MLLT3: variants seen among roughly 807,000 people sequenced by gnomAD.
MLLT3 encodes protein AF-9.
A neutral mutation model predicts 53.2 loss-of-function variants in MLLT3; 4 were observed. The ratio of observed to expected loss-of-function variants is 0.08; its 90% CI spans 0.04 to 0.17. MLLT3 has a LOEUF of 0.17. MLLT3 is among the 10% of genes least tolerant of loss of function. The pLI, the probability that MLLT3 is intolerant of heterozygous loss-of-function variation, is 1.00. For missense variants in MLLT3, 569 were observed against 684.0 expected, an observed-to-expected ratio of 0.83 and a Z score of 1.87; for synonymous variants, 283 against 230.6, an observed-to-expected ratio of 1.23 and a Z score of -2.06.
chr9:20,527,696 T>C (rs1039212186), intron 2 of MLLT3, among the ~76,000 whole-genome samples: 1 of 152,142 alleles, frequency 6.6e-6, no homozygotes, highest in Non-Finnish European at 1.5e-5. Flanking sequence ...AACTGGAACA[T>C]CAAAAGCTTT....
intron 2 of MLLT3, among the ~76,000 whole-genome samples, chr9:20,524,791 T>C (rs189181547): frequency 5.3e-5 from 8 of 152,270 alleles, no homozygotes; most frequent in Non-Finnish European, 1.0e-4. Flanking sequence ...ACTGCTTGCC[T>C]GAAGGTTCCC....
intron 2 of MLLT3, among the ~76,000 whole-genome samples, chr9:20,489,991 A>G (rs2118920512): frequency 6.6e-6 from 1 of 152,326 alleles, no homozygotes; most frequent in East Asian, 1.9e-4. Flanking sequence ...ATACATGGCA[A>G]ACTGTAAGGT....
At chr9:20,457,593 C>A (rs1159663707) in intron 2 of MLLT3, among the ~76,000 whole-genome samples, 3 of 152,046 alleles carry the variant, frequency 2.0e-5, no homozygotes, top group East Asian at 1.9e-4. Flanking sequence ...CTTAGAAAAT[C>A]CCAAACCCAG....
intron 2 of MLLT3, among the ~76,000 whole-genome samples, chr9:20,589,905 T>G (rs532003664): frequency 3.3e-5 from 5 of 152,136 alleles, no homozygotes; most frequent in Non-Finnish European, 5.9e-5. Flanking sequence ...GAGATGGGGT[T>G]TCACCATCTT....
At position 20,622,401 on chromosome 9, in the gene MLLT3, T is replaced by TC. The variant is rs1821046587; in HGVS notation, c.-146dup. ...AGATGGCGGACATTCTCTGCCTTTTTCCCCCCGCGCTCGCTTGCTCGCTCG... is the reference window on the plus strand; with the variant it reads ...AGATGGCGGACATTCTCTGCCTTTTTCCCCCCCGCGCTCGCTTGCTCGCTCG... On this transcript the variant is annotated 5_prime_UTR_variant, in exon 1 of 11. Coordinates refer to ENST00000380338, the MANE Select transcript of MLLT3 (RefSeq NM_004529.4). The TC allele has an allele frequency of 5.4e-6, 4 of 734,196 alleles. No homozygotes were observed. The highest frequency in any genetic ancestry group is 3.4e-5 in the Admixed American group (1 of 29,692). The allele number at this position is 734,196 out of a possible 1,614,324, so 45.5% of individuals were successfully genotyped here.
chr9:20,371,028 T>C (rs183709388), intron 5 of MLLT3, among the ~76,000 whole-genome samples: 38 of 152,330 alleles, frequency 2.5e-4, no homozygotes, highest in African/African-American at 8.9e-4. Flanking sequence ...GAGAAAGTTG[T>C]AGTGGTCTGG....
chr9:20,547,538 G>A (rs752527352), intron 2 of MLLT3, among the ~76,000 whole-genome samples: 3 of 151,732 alleles, frequency 2.0e-5, no homozygotes, highest in Non-Finnish European at 2.9e-5. Context: ...CAGCTACTCG[G>A]GAGGCTGAGG....
intron 4 of MLLT3, among the ~76,000 whole-genome samples, chr9:20,416,841 G>C (rs1822883209): frequency 6.6e-6 from 1 of 152,124 alleles, no homozygotes; most frequent in Non-Finnish European, 1.5e-5. Context: ...TAAAAGGAGA[G>C]AGAGCAGTTT....
intron 5 of MLLT3, among the ~76,000 whole-genome samples, chr9:20,402,118 T>C (rs968682342): frequency 4.6e-5 from 7 of 152,090 alleles, no homozygotes; most frequent in African/African-American, 1.7e-4. Flanking sequence ...CAGAGTGAGA[T>C]CAAGGTAGGT....
rs375433333 is a variant in MLLT3, at chr9:20,497,164, C to G, written c.194-40378G>C. On this transcript the variant is annotated intron_variant, in intron 2 of 10. Transcript: ENST00000380338. Reference sequence around the variant, plus strand: ...ATCCAGTAGTAAATGGCAACGCAAACTTCACCTTCTGATATTCAGTTGACA... The same window carrying G: ...ATCCAGTAGTAAATGGCAACGCAAAGTTCACCTTCTGATATTCAGTTGACA... Among the ~76,000 whole-genome samples the G allele has an allele frequency of 2.0e-5, 3 of 152,346 alleles. 1 individual carries two copies. Among genetic ancestry groups the G allele is most frequent in the African/African-American group, 7.2e-5 (3 of 41,580 alleles).
intron 2 of MLLT3, among the ~76,000 whole-genome samples, chr9:20,511,377 A>AAT (rs1446050081): frequency 6.6e-6 from 1 of 152,266 alleles, no homozygotes; most frequent in African/African-American, 2.4e-5. Context: ...TTGCAATTGC[A>AAT]ATACCTTTTC....
At chr9:20,533,281 C>A (rs567738689) in intron 2 of MLLT3, 16 of 324,168 alleles carry the variant, frequency 4.9e-5, no homozygotes, top group African/African-American at 3.4e-4. Flanking sequence ...TAGACTGTGG[C>A]TCACATTGCC....
At chr9:20,478,936 A>G (rs1038661420) in intron 2 of MLLT3, among the ~76,000 whole-genome samples, 3 of 152,242 alleles carry the variant, frequency 2.0e-5, no homozygotes, top group African/African-American at 7.2e-5. Flanking sequence ...CTGGTGTACA[A>G]TAGCAGCTGT....
Position 20,433,531 on chromosome 9 carries a change from A to G in MLLT3, c.420+14592T>C, listed in dbSNP as rs140635587. 5.5e-3 allele frequency among the ~76,000 whole-genome samples: 842 copies of G among 152,264 alleles called. 8 individuals are homozygous for G. The highest frequency in any genetic ancestry group is 0.018 in the African/African-American group (767 of 41,540). ...CTGGAGGATGCCATTCGAATCAAGT[A>G]ATGGGTGTTAACATCAACAGTAATG... is the stretch of plus-strand genomic sequence containing the variant. On this transcript the variant is annotated intron_variant, in intron 4 of 10. Coordinates refer to ENST00000380338, the MANE Select transcript of MLLT3 (RefSeq NM_004529.4).
intron 2 of MLLT3, among the ~76,000 whole-genome samples, chr9:20,544,069 G>C (rs185451091): frequency 1.3e-5 from 2 of 152,292 alleles, no homozygotes; most frequent in Non-Finnish European, 2.9e-5. Context: ...ATGGACAAAT[G>C]ATCTTCAACA....
In MLLT3 at chr9:20,495,178, A is replaced by C. The variant is rs1454525228; in HGVS notation, c.194-38392T>G. On this transcript the variant is annotated intron_variant, in intron 2 of 10. Coordinates refer to ENST00000380338, the MANE Select transcript of MLLT3 (RefSeq NM_004529.4). Reference sequence around the variant, plus strand: ...CTCTCTGTCCATCATACTTACTGTAAAAAGTTTAATAATATGGGCAACCAT... The same window carrying C: ...CTCTCTGTCCATCATACTTACTGTACAAAGTTTAATAATATGGGCAACCAT... Among the ~76,000 whole-genome samples, 2 of 152,168 alleles carry C rather than the reference A, an allele frequency of 1.3e-5. 1 individual carries two copies. The highest frequency in any genetic ancestry group is 2.9e-5 in the Non-Finnish European group (2 of 68,024).
chr9:20,563,704 A>G (rs1269929978), intron 2 of MLLT3, among the ~76,000 whole-genome samples: 2 of 152,212 alleles, frequency 1.3e-5, no homozygotes, highest in East Asian at 3.9e-4. Flanking sequence ...GGCCTTGTCT[A>G]TACCTCTTGG....
intron 2 of MLLT3, among the ~76,000 whole-genome samples, chr9:20,541,743 T>C (rs764737251): frequency 7.2e-5 from 11 of 152,344 alleles, no homozygotes; most frequent in Middle Eastern, 3.4e-3. Context: ...GAAACCACTT[T>C]TGTTGTTCAT....
intron 2 of MLLT3, among the ~76,000 whole-genome samples, chr9:20,581,247 A>C (rs1221707009): frequency 2.6e-5 from 4 of 152,182 alleles, no homozygotes; most frequent in Non-Finnish European, 4.4e-5. Context: ...GTTAGTGTTT[A>C]TTTTAGGATC....
Sources: gnomAD v4.1 joint callset for allele counts (sites outside exome capture counted in the v4.1 genomes callset) on GRCh38, gnomAD v4.1.1 for gene constraint, MANE v1.5 for transcripts, NCBI Gene and HGNC (gene_info 2026-07-23, HGNC 2026-07-21) for gene names.